The following CACNB2 variants were observed in gnomAD, a reference collection of about 807,000 sequenced individuals.
CACNB2 encodes the protein voltage-dependent L-type calcium channel subunit beta-2.
In CACNB2, 42 loss-of-function variants were observed where a neutral mutation model predicts 73.3. The observed-to-expected ratio is 0.57, with a 90% CI of 0.45 to 0.74. CACNB2 has a LOEUF of 0.74. CACNB2 is among the 30% of genes least tolerant of loss of function. The pLI is 0.00. For missense variants in CACNB2, 940 were observed against 853.0 expected, an observed-to-expected ratio of 1.10 and a Z score of -1.27; for synonymous variants, 348 against 310.3, an observed-to-expected ratio of 1.12 and a Z score of -1.28.
chr10:18,519,392 G>T (rs1325992384), intron 9 of CACNB2, among the ~76,000 whole-genome samples: 1 of 152,050 alleles, frequency 6.6e-6, no homozygotes, highest in African/African-American at 2.4e-5. Flanking sequence ...TTGCTTCCGT[G>T]TCATTGAGAA....
intron 1 of CACNB2, among the ~76,000 whole-genome samples, chr10:18,148,964 C>T (rs2031258045): frequency 6.7e-6 from 1 of 148,862 alleles, no homozygotes; most frequent in Non-Finnish European, 1.5e-5. Context: ...ATGATCATAT[C>T]ACTGCACTCC....
At chr10:18,517,811 G>C (rs1210913653) in intron 7 of CACNB2, among the ~76,000 whole-genome samples, 1 of 151,562 alleles carries the variant, frequency 6.6e-6, no homozygotes, top group Non-Finnish European at 1.5e-5. Context: ...AATATTTTGA[G>C]ATTAGGTAAA....
intron 9 of CACNB2, among the ~76,000 whole-genome samples, chr10:18,520,819 G>T (rs79233510): frequency 0.093 from 14,122 of 152,198 alleles, 859 homozygotes; most frequent in Middle Eastern, 0.16. Flanking sequence ...TTTTCCCTCA[G>T]ATATTCTCCT....
At chr10:18,406,915 G>A (rs1344440483) in intron 3 of CACNB2, among the ~76,000 whole-genome samples, 3 of 152,054 alleles carry the variant, frequency 2.0e-5, no homozygotes, top group Non-Finnish European at 4.4e-5. Context: ...CAGTGTATGC[G>A]ACGGTCAGTG....
chr10:18,378,244 G>A (rs185997832), intron 2 of CACNB2, among the ~76,000 whole-genome samples: 26 of 152,250 alleles, frequency 1.7e-4, no homozygotes, highest in South Asian at 1.2e-3. Context: ...CTCAACCAAT[G>A]ACAGTGTATT....
At chr10:18,169,051 C>T (rs1278154401) in intron 2 of CACNB2, among the ~76,000 whole-genome samples, 1 of 152,120 alleles carries the variant, frequency 6.6e-6, no homozygotes, top group Non-Finnish European at 1.5e-5. Flanking sequence ...TGGCTAGCTA[C>T]TAGCCTAAAT....
chr10:18,163,699 G>A (rs1344872710), intron 2 of CACNB2, among the ~76,000 whole-genome samples: 1 of 152,176 alleles, frequency 6.6e-6, no homozygotes, highest in Non-Finnish European at 1.5e-5. Flanking sequence ...CCATTCTTTT[G>A]CTTTTTCTAC....
chr10:18,362,049 A>C (rs774995903), intron 2 of CACNB2, among the ~76,000 whole-genome samples: 2 of 151,992 alleles, frequency 1.3e-5, no homozygotes, highest in Non-Finnish European at 2.9e-5. Flanking sequence ...GGCTGATCTC[A>C]AGCTCCTGGG....
intron 3 of CACNB2, among the ~76,000 whole-genome samples, chr10:18,495,578 T>C (rs1247988340): frequency 1.4e-5 from 2 of 144,158 alleles, no homozygotes; most frequent in African/African-American, 2.8e-5. Flanking sequence ...TGTGTGTGTG[T>C]GTGTGTGTGT....
chr10:18,194,892 T>C (rs941313233), intron 2 of CACNB2, among the ~76,000 whole-genome samples: 1 of 152,214 alleles, frequency 6.6e-6, no homozygotes, highest in Admixed American at 6.5e-5. Flanking sequence ...TATAGTGATG[T>C]TGATTTCCAG....
chr10:18,257,741 G>A (rs1177915445), intron 2 of CACNB2, among the ~76,000 whole-genome samples: 2 of 152,052 alleles, frequency 1.3e-5, no homozygotes, highest in Non-Finnish European at 2.9e-5. Flanking sequence ...GAAACACTGT[G>A]TTCTCTTTCC....
intron 2 of CACNB2, chr10:18,181,758 G>A (rs1051629363): frequency 1.7e-4 from 25 of 151,242 alleles, no homozygotes; most frequent in African/African-American, 4.9e-4. Context: ...GTAACTATGG[G>A]CGCATGCAAC....
At position 18,477,539 on chromosome 10, in the gene CACNB2, A is replaced by G. The variant is rs562458814; in HGVS notation, c.334-20816A>G. Among the ~76,000 whole-genome samples the G allele has an allele frequency of 5.3e-5, 8 of 152,280 alleles. 1 individual carries two copies. The South Asian group carries it at 8.3e-4, about 16-fold the overall frequency. On this transcript the variant is annotated intron_variant, in intron 3 of 13. Transcript: ENST00000324631. ...AAGTCTCTGTGACAGGTCTCAATCA[A>G]TTTAGAAGCTCACTTTGCCAAGATT... is the stretch of plus-strand genomic sequence containing the variant.
At chr10:18,495,411 G>T (rs181745938) in intron 3 of CACNB2, among the ~76,000 whole-genome samples, 84 of 152,158 alleles carry the variant, frequency 5.5e-4, no homozygotes, top group African/African-American at 2.0e-3. Context: ...TAGAGATGGG[G>T]TTTCTCCATA....
intron 2 of CACNB2, among the ~76,000 whole-genome samples, chr10:18,263,755 T>G (rs2131608162): frequency 1.3e-5 from 2 of 152,344 alleles, no homozygotes; most frequent in African/African-American, 4.8e-5. Context: ...TTTATTAGGT[T>G]GCCTCCGCTC....
chr10:18,336,635 A>G (rs1589074604), intron 2 of CACNB2, among the ~76,000 whole-genome samples: 2 of 152,328 alleles, frequency 1.3e-5, no homozygotes, highest in East Asian at 3.9e-4. Flanking sequence ...AAAGAAAAAA[A>G]AAAAGATGAC....
intron 3 of CACNB2, among the ~76,000 whole-genome samples, chr10:18,482,979 C>T (rs145349322): frequency 6.0e-4 from 92 of 152,294 alleles, no homozygotes; most frequent in African/African-American, 1.9e-3. Flanking sequence ...GCCTTCCTCC[C>T]GTGTCTGCTC....
intron 2 of CACNB2, among the ~76,000 whole-genome samples, chr10:18,220,224 T>TAGAGAG (rs1474379036): frequency 2.9e-4 from 14 of 48,028 alleles, no homozygotes; most frequent in Middle Eastern, 8.8e-3. Context: ...TATATATATA[T>TAGAGAG]ATATATATAG....
chr10:18,391,691 C>T (rs1178554312), intron 2 of CACNB2, among the ~76,000 whole-genome samples: 1 of 152,058 alleles, frequency 6.6e-6, no homozygotes, highest in African/African-American at 2.4e-5. Flanking sequence ...CTTTGGGAGG[C>T]CGAGGCACAT....
Sources: gnomAD v4.1 joint callset for allele counts (sites outside exome capture counted in the v4.1 genomes callset) on GRCh38, gnomAD v4.1.1 for gene constraint, MANE v1.5 for transcripts, NCBI Gene and HGNC (gene_info 2026-07-23, HGNC 2026-07-21) for gene names.